SBF2: variants seen among roughly 807,000 people sequenced by gnomAD.
SBF2 encodes myotubularin-related protein 13.
SBF2 carries 112 observed loss-of-function variants against 225.2 expected under a neutral mutation model. That is an observed-to-expected ratio of 0.50 (90% CI 0.43 to 0.58). SBF2 has a LOEUF of 0.58. Ranked by LOEUF, SBF2 falls within the 20% of genes least tolerant of loss-of-function variation. The probability of loss-of-function intolerance (pLI) is 0.00; values close to 1 mark genes in which losing one functional copy is unlikely to be tolerated. For missense variants in SBF2, 1,996 were observed against 2,206.2 expected, an observed-to-expected ratio of 0.90 and a Z score of 1.91; for synonymous variants, 763 against 773.3, an observed-to-expected ratio of 0.99 and a Z score of 0.22.
intron 2 of SBF2, among the ~76,000 whole-genome samples, chr11:10,175,936 C>T (rs2135267195): frequency 1.3e-5 from 2 of 150,474 alleles, no homozygotes; most frequent in East Asian, 3.9e-4. Flanking sequence ...GAAATGAAGG[C>T]AGAAATAAAG....
chr11:10,063,830 A>AACACAC (rs140036479), intron 2 of SBF2, among the ~76,000 whole-genome samples: 98 of 140,212 alleles, frequency 7.0e-4, no homozygotes, highest in South Asian at 1.6e-3. Context: ...TCTAAAATAA[A>AACACAC]ACACACACAC....
At chr11:10,014,359 G>A (rs899448533) in intron 6 of SBF2, among the ~76,000 whole-genome samples, 7 of 151,888 alleles carry the variant, frequency 4.6e-5, no homozygotes, top group Non-Finnish European at 8.8e-5. Context: ...CATCCCCACA[G>A]GGTATCCCTC....
At chr11:10,210,497 C>G (rs145728389) in intron 1 of SBF2, among the ~76,000 whole-genome samples, 5 of 152,270 alleles carry the variant, frequency 3.3e-5, no homozygotes, top group African/African-American at 1.2e-4. Context: ...GCAAGGGAGT[C>G]TCTTAGTCTC....
At chr11:9,906,537 C>T (rs1192351269) in intron 16 of SBF2, among the ~76,000 whole-genome samples, 1 of 152,152 alleles carries the variant, frequency 6.6e-6, no homozygotes, top group African/African-American at 2.4e-5. Flanking sequence ...TGCTCAAATG[C>T]TGATTGCAAA....
At chr11:10,086,623 C>T (rs1017734183) in intron 2 of SBF2, among the ~76,000 whole-genome samples, 7 of 152,244 alleles carry the variant, frequency 4.6e-5, no homozygotes, top group Admixed American at 3.3e-4. Context: ...AATCTGGGCA[C>T]TTTTGTATTT....
chr11:10,164,648 G>A (rs2135222364), intron 2 of SBF2, among the ~76,000 whole-genome samples: 1 of 152,204 alleles, frequency 6.6e-6, no homozygotes, highest in African/African-American at 2.4e-5. Flanking sequence ...TGGTTCCACT[G>A]AGTATCACTG....
At chr11:9,853,854 C>T in intron 19 of SBF2, 142 bp from the exon 20 acceptor site, 2 of 795,782 alleles carry the variant, frequency 2.5e-6, no homozygotes, top group Non-Finnish European at 4.4e-6. Context: ...TCCATGGCTC[C>T]TTGGTAAGTG....
At position 9,971,965 on chromosome 11, in the gene SBF2, T is replaced by G. The variant is rs913073861; in HGVS notation, c.1396-3420A>C. ...AATAGAGAGCCCCAAAACAGGACTA[T>G]GTGAGAAAATATGATAGAGATAGGT... On this transcript the variant is annotated intron_variant, in intron 13 of 39. Transcript: ENST00000256190. Among the ~76,000 whole-genome samples, 58 of 152,150 alleles carry G rather than the reference T, an allele frequency of 3.8e-4. 1 individual carries two copies. The highest frequency in any genetic ancestry group is 1.9e-4 in the Non-Finnish European group (13 of 68,028).
intron 2 of SBF2, among the ~76,000 whole-genome samples, chr11:10,153,378 C>T (rs1029697998): frequency 1.3e-5 from 2 of 152,050 alleles, no homozygotes; most frequent in African/African-American, 4.8e-5. Flanking sequence ...AAATTCAAAA[C>T]CAATTTATCT....
intron 2 of SBF2, among the ~76,000 whole-genome samples, chr11:10,082,917 G>A (rs922185873): frequency 8.5e-5 from 13 of 152,130 alleles, no homozygotes; most frequent in Admixed American, 4.6e-4. Flanking sequence ...AATAAAAGGC[G>A]TCCAAATTGG....
At chr11:10,140,748 T>C (rs1954605324) in intron 2 of SBF2, among the ~76,000 whole-genome samples, 1 of 152,106 alleles carries the variant, frequency 6.6e-6, no homozygotes, top group East Asian at 1.9e-4. Flanking sequence ...GGGAGCAGTC[T>C]TGTGGGACTG....
intron 2 of SBF2, among the ~76,000 whole-genome samples, chr11:10,057,552 T>C (rs1194334722): frequency 6.6e-6 from 1 of 152,162 alleles, no homozygotes; most frequent in Non-Finnish European, 1.5e-5. Context: ...CACTGAGTGA[T>C]TGCTGACCTG....
intron 13 of SBF2, among the ~76,000 whole-genome samples, chr11:9,980,724 G>A (rs139723008): frequency 3.3e-5 from 5 of 151,996 alleles, no homozygotes; most frequent in Admixed American, 6.6e-5. Flanking sequence ...GACTACAGGC[G>A]CCTGACACCG....
intron 1 of SBF2, among the ~76,000 whole-genome samples, chr11:10,257,268 T>C (rs1425696217): frequency 6.6e-6 from 1 of 152,172 alleles, no homozygotes; most frequent in Non-Finnish European, 1.5e-5. Flanking sequence ...TCCTACCTCT[T>C]TCCCCACAAA....
At chr11:10,243,365 A>G (rs1375342457) in intron 1 of SBF2, among the ~76,000 whole-genome samples, 2 of 151,954 alleles carry the variant, frequency 1.3e-5, no homozygotes, top group Non-Finnish European at 2.9e-5. Flanking sequence ...TGCCTACATT[A>G]AAAAAAGAAG....
intron 36 of SBF2, 29 bp downstream of exon 36, chr11:9,787,605 G>A (rs750385798): frequency 1.9e-6 from 3 of 1,581,344 alleles, no homozygotes; most frequent in Admixed American, 1.7e-5. Context: ...AAGCTCAGAA[G>A]TGGCTCTCAA....
chr11:9,833,784 T>A (rs74824234), intron 26 of SBF2, among the ~76,000 whole-genome samples: 54 of 150,736 alleles, frequency 3.6e-4, no homozygotes, highest in Non-Finnish European at 6.5e-4. Flanking sequence ...CTTTTTTTTT[T>A]TTTTTTGAGA....
chr11:10,126,524 A>T (rs1335749766), intron 2 of SBF2, among the ~76,000 whole-genome samples: 1 of 152,150 alleles, frequency 6.6e-6, no homozygotes, highest in Non-Finnish European at 1.5e-5. Context: ...TGTGATCTGT[A>T]ATCTGGTCTA....
At chr11:10,166,654 T>A (rs1360183510) in intron 2 of SBF2, among the ~76,000 whole-genome samples, 1 of 152,104 alleles carries the variant, frequency 6.6e-6, no homozygotes, top group Non-Finnish European at 1.5e-5. Flanking sequence ...AGTAATAGAA[T>A]TATTTTTTCC....
Sources: allele counts gnomAD v4.1 joint callset (sites outside exome capture counted in the v4.1 genomes callset), GRCh38; gene constraint gnomAD v4.1.1; transcripts MANE v1.5; gene names NCBI Gene and HGNC (gene_info 2026-07-23, HGNC 2026-07-21).